Variants in AGMO observed in about 807,000 individuals in gnomAD.
AGMO encodes the protein alkylglycerol monooxygenase, also known as glyceryl-ether monooxygenase.
AGMO carries 75 observed loss-of-function variants against 60.2 expected under a neutral mutation model. That is an observed-to-expected ratio of 1.25 (90% CI 1.03 to 1.51). The LOEUF (loss-of-function observed/expected upper bound fraction) is 1.51, where lower values mean the gene tolerates loss of function less well. AGMO is among the 40% of genes most tolerant of loss of function. AGMO has a pLI of 0.00. For synonymous variants in AGMO, 261 were observed against 177.1 expected, an observed-to-expected ratio of 1.47 and a Z score of -3.76; for missense variants, 763 against 525.5, an observed-to-expected ratio of 1.45 and a Z score of -4.42.
intron 4 of AGMO, among the ~76,000 whole-genome samples, chr7:15,430,596 TTTTTTTTAAAAAAAAAAAACAACTGG>T (rs1781201795): frequency 1.7e-4 from 3 of 18,094 alleles, no homozygotes; most frequent in Non-Finnish European, 4.6e-4. Context: ...GAATTAGTTG[TTTTTTTTAAAAAAAAAAAACAACTGG>T]TTTTTTTTAA....
At chr7:15,542,670 A>G (rs538180769) in intron 3 of AGMO, among the ~76,000 whole-genome samples, 1 of 152,338 alleles carries the variant, frequency 6.6e-6, no homozygotes, top group East Asian at 1.9e-4. Context: ...ATTGCCGATG[A>G]GTTTATTTTA....
intron 3 of AGMO, among the ~76,000 whole-genome samples, chr7:15,435,239 G>A (rs1400998566): frequency 6.6e-6 from 1 of 151,480 alleles, no homozygotes; most frequent in Non-Finnish European, 1.5e-5. Context: ...TTAGGCGTGG[G>A]ATTATTGAGC....
chr7:15,503,124 T>A (rs2128526073), intron 3 of AGMO, among the ~76,000 whole-genome samples: 1 of 152,166 alleles, frequency 6.6e-6, no homozygotes, highest in Non-Finnish European at 1.5e-5. Context: ...AATTCATGTA[T>A]TCATTCAGTT....
downstream of AGMO, among the ~76,000 whole-genome samples, chr7:15,196,355 G>C (rs960349475): frequency 6.6e-6 from 1 of 152,006 alleles, no homozygotes; most frequent in Non-Finnish European, 1.5e-5. Flanking sequence ...GGCTGGCTCC[G>C]TTTCTTTTAA....
intron 12 of AGMO, among the ~76,000 whole-genome samples, chr7:15,324,446 T>C (rs1166270112): frequency 3.3e-5 from 5 of 152,176 alleles, no homozygotes; most frequent in African/African-American, 9.6e-5. Context: ...GCATTTTCTT[T>C]ATAAGCTTTG....
intron 3 of AGMO, among the ~76,000 whole-genome samples, chr7:15,455,404 G>T (rs1781975688): frequency 1.3e-5 from 2 of 152,016 alleles, no homozygotes; most frequent in African/African-American, 2.4e-5. Flanking sequence ...CATTTATGGT[G>T]ACTTTGGGTC....
At chr7:15,360,917 T>C (rs1417567995) in intron 12 of AGMO, among the ~76,000 whole-genome samples, 1 of 146,198 alleles carries the variant, frequency 6.8e-6, no homozygotes, top group Non-Finnish European at 1.5e-5. Flanking sequence ...CTCATGAAAA[T>C]AAGAAGAAAA....
intron 12 of AGMO, among the ~76,000 whole-genome samples, chr7:15,278,677 G>T (rs769564431): frequency 6.6e-6 from 1 of 152,190 alleles, no homozygotes; most frequent in Admixed American, 6.5e-5. Flanking sequence ...TCTCACAGAA[G>T]TGGTAGTAGA....
chr7:15,125,507 C>T, the AGMO span, among the ~76,000 whole-genome samples: 1 of 152,046 alleles, frequency 6.6e-6, no homozygotes, highest in African/African-American at 2.4e-5. Flanking sequence ...ATGCCTCTGC[C>T]TCATCTACAG....
At position 15,491,104 on chromosome 7, in the gene AGMO, A is replaced by G. The variant is rs1273426550; in HGVS notation, c.409+53668T>C. On this transcript the variant is annotated intron_variant, in intron 3 of 12. Transcript: ENST00000342526. The stretch of plus-strand genomic sequence containing the variant: ...AATGGAATTACATTTATACACTGCT[A>G]TATTTATTTATCAGTCTCTGAATCA... Among the ~76,000 whole-genome samples the G allele has an allele frequency of 1.3e-5, 2 of 152,174 alleles. 1 individual carries two copies. Among genetic ancestry groups the G allele is most frequent in the East Asian group, 3.8e-4 (2 of 5,196 alleles).
At chr7:15,496,019 G>A (rs902436001) in intron 3 of AGMO, among the ~76,000 whole-genome samples, 1 of 152,116 alleles carries the variant, frequency 6.6e-6, no homozygotes, top group African/African-American at 2.4e-5. Context: ...TTCCACACGT[G>A]AATTTTGGGA....
intron 12 of AGMO, among the ~76,000 whole-genome samples, chr7:15,353,461 G>A (rs1782335404): frequency 6.6e-6 from 1 of 152,114 alleles, no homozygotes; most frequent in Non-Finnish European, 1.5e-5. Context: ...GCTCTTAGTT[G>A]ATCTACTCTT....
chr7:15,179,354 AAATT>A, the AGMO span, among the ~76,000 whole-genome samples: 1 of 152,186 alleles, frequency 6.6e-6, no homozygotes, highest in African/African-American at 2.4e-5. Flanking sequence ...GAAATCAAAC[AAATT>A]ATCTACTTTC....
At position 15,532,476 on chromosome 7, in the gene AGMO, A is replaced by G. The variant is rs533291700; in HGVS notation, c.409+12296T>C. ...CATCAAGTTAGTTATTGTTTTAATTAAAGATGAAACATATATGAGAATCCC... is the reference window on the plus strand; with the variant it reads ...CATCAAGTTAGTTATTGTTTTAATTGAAGATGAAACATATATGAGAATCCC... On this transcript the variant is annotated intron_variant, in intron 3 of 12. Transcript: ENST00000342526. Among the ~76,000 whole-genome samples the G allele has an allele frequency of 8.5e-5, 13 of 152,286 alleles. No homozygotes were observed. The South Asian group carries it at 2.7e-3, about 32-fold the overall frequency.
At chr7:15,324,158 A>G (rs772099324) in intron 12 of AGMO, among the ~76,000 whole-genome samples, 1 of 152,176 alleles carries the variant, frequency 6.6e-6, no homozygotes, top group African/African-American at 2.4e-5. Context: ...GCAGCAACCC[A>G]ACACTCAGCT....
chr7:15,451,725 T>C (rs1278483094), intron 3 of AGMO, among the ~76,000 whole-genome samples: 1 of 152,098 alleles, frequency 6.6e-6, no homozygotes, highest in Non-Finnish European at 1.5e-5. Flanking sequence ...AGGAGTTTAA[T>C]TGAGTTATGA....
the AGMO span, among the ~76,000 whole-genome samples, chr7:15,145,061 C>A: frequency 1.3e-5 from 2 of 152,176 alleles, no homozygotes; most frequent in Non-Finnish European, 2.9e-5. Flanking sequence ...ATTTCCTGAC[C>A]TTGTGATCCG....
chr7:15,274,915 G>A (rs1384238417), intron 12 of AGMO, among the ~76,000 whole-genome samples: 4 of 150,672 alleles, frequency 2.7e-5, no homozygotes, highest in Admixed American at 1.3e-4. Context: ...TATAATTTCT[G>A]ATTATACTTG....
intron 12 of AGMO, among the ~76,000 whole-genome samples, chr7:15,250,811 G>A (rs1782908460): frequency 1.3e-5 from 2 of 151,992 alleles, no homozygotes; most frequent in Admixed American, 1.3e-4. Context: ...CCGGCATGGT[G>A]GCAGGTGCCT....
Sources: gnomAD v4.1 joint callset for allele counts (sites outside exome capture counted in the v4.1 genomes callset) on GRCh38, gnomAD v4.1.1 for gene constraint, MANE v1.5 for transcripts, NCBI Gene and HGNC (gene_info 2026-07-23, HGNC 2026-07-21) for gene names.